PDE10A: variants seen among roughly 807,000 people sequenced by gnomAD.
PDE10A encodes the protein phosphodiesterase 10A.
In PDE10A, 39 loss-of-function variants were observed where a neutral mutation model predicts 97.7. That is an observed-to-expected ratio of 0.40 (90% confidence interval 0.31 to 0.52). PDE10A has a LOEUF of 0.52. PDE10A is among the 20% of genes least tolerant of loss of function. PDE10A has a pLI of 0.56. For missense variants in PDE10A, 731 were observed against 1,047.8 expected (o/e 0.70, Z 4.17); for synonymous variants, 371 against 376.8 (o/e 0.98, Z 0.18).
chr6:165,452,992 T>C (rs1777730516), intron 3 of PDE10A, among the ~76,000 whole-genome samples: 1 of 151,366 alleles, frequency 6.6e-6, no homozygotes, highest in Non-Finnish European at 1.5e-5. Context: ...ACATGGACAA[T>C]AAAGGCTATT....
At chr6:165,774,469 A>G (rs907142920) in intron 1 of PDE10A, among the ~76,000 whole-genome samples, 3 of 148,134 alleles carry the variant, frequency 2.0e-5, no homozygotes, top group African/African-American at 7.3e-5. Context: ...AAACATGTAT[A>G]TATAATATAT....
chr6:165,693,071 A>C (rs1369163506), intron 1 of PDE10A, among the ~76,000 whole-genome samples: 1 of 152,226 alleles, frequency 6.6e-6, no homozygotes, highest in Non-Finnish European at 1.5e-5. Flanking sequence ...TTTAAAAAAA[A>C]TCATGATGTC....
intron 1 of PDE10A, among the ~76,000 whole-genome samples, chr6:165,943,213 AAG>A (rs1208996050): frequency 1.1e-5 from 1 of 92,686 alleles, no homozygotes; most frequent in Admixed American, 9.8e-5. Flanking sequence ...GAAAGAAAGA[AAG>A]AAAGAAAGAA....
At chr6:165,593,677 G>A (rs1786417297) in intron 1 of PDE10A, among the ~76,000 whole-genome samples, 1 of 152,026 alleles carries the variant, frequency 6.6e-6, no homozygotes. Context: ...AAACCTTTAT[G>A]TTTTATAATA....
intron 1 of PDE10A, among the ~76,000 whole-genome samples, chr6:165,902,182 G>A (rs143006565): frequency 6.6e-6 from 1 of 152,284 alleles, no homozygotes; most frequent in African/African-American, 2.4e-5. Flanking sequence ...GGTCTTCTCG[G>A]AATCTTTGTT....
chr6:165,845,220 C>G (rs1780380819), intron 1 of PDE10A, among the ~76,000 whole-genome samples: 1 of 152,122 alleles, frequency 6.6e-6, no homozygotes, highest in Admixed American at 6.5e-5. Flanking sequence ...TCTGATCCAC[C>G]AAGCTTCCAG....
chr6:165,620,757 A>G (rs1212190131), intron 1 of PDE10A, among the ~76,000 whole-genome samples: 1 of 121,538 alleles, frequency 8.2e-6, no homozygotes, highest in Non-Finnish European at 1.7e-5. Flanking sequence ...AAGGATAGAG[A>G]AGGCTGGGTA....
intron 1 of PDE10A, among the ~76,000 whole-genome samples, chr6:165,611,961 T>C (rs1787512834): frequency 6.6e-6 from 1 of 152,206 alleles, no homozygotes. Context: ...CCTGCTTCTT[T>C]TACACACTTC....
At chr6:165,931,713 T>G (rs991832560) in intron 1 of PDE10A, among the ~76,000 whole-genome samples, 2 of 152,274 alleles carry the variant, frequency 1.3e-5, no homozygotes, top group African/African-American at 4.8e-5. Flanking sequence ...TGGAAAAGGT[T>G]CTACATGAAA....
intron 1 of PDE10A, among the ~76,000 whole-genome samples, chr6:165,578,211 C>G (rs918069330): frequency 5.3e-5 from 8 of 152,150 alleles, no homozygotes; most frequent in African/African-American, 1.9e-4. Flanking sequence ...CAACAGACAG[C>G]AGCTTTTCTT....
intron 19 of PDE10A, among the ~76,000 whole-genome samples, chr6:165,341,713 T>C (rs1739716161): frequency 6.6e-6 from 1 of 152,178 alleles, no homozygotes; most frequent in African/African-American, 2.4e-5. Context: ...TTTTCTCTGC[T>C]TCTTGGGAGC....
intron 3 of PDE10A, among the ~76,000 whole-genome samples, chr6:165,455,562 C>G (rs917044089): frequency 1.3e-5 from 2 of 152,204 alleles, no homozygotes; most frequent in African/African-American, 4.8e-5. Flanking sequence ...GCATTTCAAA[C>G]TTCAAAAACT....
chr6:165,757,569 T>C (rs953497517), intron 1 of PDE10A, among the ~76,000 whole-genome samples: 4 of 152,174 alleles, frequency 2.6e-5, no homozygotes, highest in African/African-American at 9.6e-5. Flanking sequence ...CGGCATAAGG[T>C]ATTGATCCAC....
intron 1 of PDE10A, among the ~76,000 whole-genome samples, chr6:165,893,069 G>A (rs754622817): frequency 6.6e-5 from 10 of 152,322 alleles, no homozygotes; most frequent in Admixed American, 5.2e-4. Context: ...CATGAAAGGA[G>A]TTGATGTTTT....
chr6:165,786,504 C>T (rs931559251), intron 1 of PDE10A, among the ~76,000 whole-genome samples: 1 of 152,198 alleles, frequency 6.6e-6, no homozygotes, highest in Non-Finnish European at 1.5e-5. Flanking sequence ...AAGCATTTCT[C>T]CTTCACAGAA....
chr6:165,597,383 G>A (rs1324534177), intron 1 of PDE10A, among the ~76,000 whole-genome samples: 1 of 152,136 alleles, frequency 6.6e-6, no homozygotes, highest in African/African-American at 2.4e-5. Context: ...TGGAGAATTA[G>A]TCAAAAAGAT....
rs1783894204 is a variant in PDE10A, at chr6:165,367,739, A to G, written c.2783+11455T>C. On this transcript the variant is annotated intron_variant, in intron 18 of 21. Coordinates refer to ENST00000539869, the MANE Select transcript of PDE10A (RefSeq NM_001385079.1). The stretch of plus-strand genomic sequence containing the variant: ...TGAAAAAATAATCTGCCCACTAAGA[A>G]CTCTAAGTCCAGTGAAAATATCTTT... Among the ~76,000 whole-genome samples the G allele has an allele frequency of 1.3e-5, 2 of 151,876 alleles. 1 individual carries two copies. The highest frequency in any genetic ancestry group is 1.3e-4 in the Admixed American group (2 of 15,254).
chr6:165,495,187 G>T (rs11753694), intron 2 of PDE10A, among the ~76,000 whole-genome samples: 1 of 152,040 alleles, frequency 6.6e-6, no homozygotes, highest in African/African-American at 2.4e-5. Flanking sequence ...CTTAAATTTC[G>T]TGGTTTTGAG....
chr6:165,954,061 G>T (rs546612436), intron 1 of PDE10A, among the ~76,000 whole-genome samples: 1 of 152,244 alleles, frequency 6.6e-6, no homozygotes, highest in East Asian at 1.9e-4. Context: ...GGGGTTCCTT[G>T]CTGTCTTTTC....
Sources: gnomAD v4.1 joint callset for allele counts (sites outside exome capture counted in the v4.1 genomes callset) on GRCh38, gnomAD v4.1.1 for gene constraint, MANE v1.5 for transcripts, NCBI Gene and HGNC (gene_info 2026-07-23, HGNC 2026-07-21) for gene names.